Variants in CT45A10 observed in about 807,000 individuals in gnomAD.
CT45A10 encodes the protein cancer/testis antigen family 45 member A10.
In CT45A10, 19 loss-of-function variants were observed where a neutral mutation model predicts 8.3. The observed-to-expected ratio is 2.30, with a 90% confidence interval of 1.61 to 3.38. The LOEUF (loss-of-function observed/expected upper bound fraction) is 3.38, where lower values mean the gene tolerates loss of function less well. Ranked by LOEUF, CT45A10 falls within the 30% of genes most tolerant of loss-of-function variation. CT45A10 has a pLI of 0.00. For synonymous variants in CT45A10, 28 were observed against 26.5 expected (o/e 1.06, Z -0.17); for missense variants, 149 against 85.9 (o/e 1.73, Z -2.90).
chrX:135,892,864 C>T (rs782549838), intron 1 of CT45A10, among the ~76,000 whole-genome samples: 17 of 110,340 alleles, frequency 1.5e-4, no homozygotes, highest in South Asian at 1.2e-3. Flanking sequence ...ATAAAGCCCG[C>T]GACAGAGAGT....
intron 1 of CT45A10, among the ~76,000 whole-genome samples, chrX:135,889,477 CAAAAA>C (rs10645547): frequency 2.2e-5 from 2 of 89,079 alleles, no homozygotes. Context: ...AAGACTCCAT[CAAAAA>C]AAAAAAAAAG....
rs1556584181 is a variant in CT45A10, at chrX:135,881,648, G to C, written c.513-333C>G. 7.6e-3 allele frequency among the ~76,000 whole-genome samples: 171 copies of C among 22,520 alleles called. 4 individuals carry two copies. Among genetic ancestry groups the C allele is most frequent in the Middle Eastern group, 0.03 (1 of 33 alleles). 19.6% of individuals were successfully genotyped at this position (22,520 alleles called of 115,157 possible). ...AGAGAAAGGAAGTCAGTGTACCAAA[G>C]AGATATCTGCACTCCCATGTTTCCT... On this transcript the variant is annotated intron_variant, in intron 4 of 4. Coordinates refer to ENST00000682849, the MANE Select transcript of CT45A10 (RefSeq NM_001291529.2).
chrX:135,883,392 C>G, intron 2 of CT45A10, 136 bp from the exon 3 acceptor site: 1 of 1,085,046 alleles, frequency 9.2e-7, no homozygotes, highest in Non-Finnish European at 1.2e-6. Flanking sequence ...TGTTTCATCA[C>G]CCCTCTGGGT....
In CT45A10 at chrX:135,883,345, G is replaced by C. The variant is rs2088410718; in HGVS notation, c.170-89C>G. Reference sequence around the variant, plus strand: ...CATAAACCTCATGAATGACAGATCTGGAAATCAAACTGAGAAGTTGAGCTG... The same window carrying C: ...CATAAACCTCATGAATGACAGATCTCGAAATCAAACTGAGAAGTTGAGCTG... On this transcript the variant is annotated intron_variant, in intron 2 of 4. Transcript: ENST00000682849. 1.0e-5 allele frequency: 12 copies of C among 1,183,589 alleles called. 1 individual carries two copies. The highest frequency in any genetic ancestry group is 1.2e-5 in the Non-Finnish European group (11 of 880,504).
intron 4 of CT45A10, among the ~76,000 whole-genome samples, chrX:135,882,072 G>A (rs1260859902): frequency 1.0e-4 from 5 of 47,745 alleles, no homozygotes; most frequent in Non-Finnish European, 2.0e-4. Context: ...GGTGACTATA[G>A]TTGGTAATAA....
At chrX:135,883,482 G>A (rs2088412415) in intron 2 of CT45A10, among the ~76,000 whole-genome samples, 1 of 110,082 alleles carries the variant, frequency 9.1e-6, no homozygotes, top group Non-Finnish European at 1.9e-5. Context: ...TCCCAGGCCT[G>A]ACAAACGGAG....
Position 135,882,592 on chromosome X carries a change from T to G in CT45A10, c.456A>C (p.Gln152His). The G allele has an allele frequency of 8.6e-7, 1 of 1,161,442 alleles. No individual in the cohort carries two copies. Among genetic ancestry groups the G allele is most frequent in the Non-Finnish European group, 1.1e-6 (1 of 870,754 alleles). Residue 152 changes from glutamine (Q) to histidine (H), a missense_variant, in exon 4 of 5, where the codon CAA becomes CAC. Physicochemically the swap from Gln to His is conservative, Grantham distance 24 (BLOSUM62 0). Coordinates refer to ENST00000682849, the MANE Select transcript of CT45A10 (RefSeq NM_001291529.2). ...ATCGTTTCCTGACTGCAGTAGGTCC[T>G]TGCACTCCTTCAAGCATTTCGAAGA... ...EKIFEMLEGV[Q>H]GPTAVRKRFF...
chrX:135,889,732 T>C (rs1223053174), intron 1 of CT45A10, among the ~76,000 whole-genome samples: 4 of 107,283 alleles, frequency 3.7e-5, no homozygotes, highest in African/African-American at 1.4e-4. Flanking sequence ...GCACCTGTAG[T>C]CCCGCTAAGG....
intron 1 of CT45A10, among the ~76,000 whole-genome samples, chrX:135,893,012 C>G (rs1235529382): frequency 9.1e-6 from 1 of 110,201 alleles, no homozygotes; most frequent in Non-Finnish European, 1.9e-5. Context: ...ACACCCGAGG[C>G]TGACACAGGC....
intron 4 of CT45A10, among the ~76,000 whole-genome samples, chrX:135,882,170 T>G (rs1421426757): frequency 5.0e-5 from 2 of 40,297 alleles, no homozygotes; most frequent in African/African-American, 2.2e-4. Flanking sequence ...GAAACCCCAC[T>G]TACCTTGATG....
intron 1 of CT45A10, among the ~76,000 whole-genome samples, chrX:135,892,577 C>T (rs920748507): frequency 6.3e-5 from 7 of 110,700 alleles, no homozygotes; most frequent in Non-Finnish European, 1.3e-4. Flanking sequence ...CAGCTGGGTG[C>T]CCTCGTGGCT....
At chrX:135,883,290 T>G in intron 2 of CT45A10, 34 bp from the exon 3 acceptor site, 4 of 1,195,526 alleles carry the variant, frequency 3.3e-6, no homozygotes, top group Non-Finnish European at 4.5e-6. Context: ...AAGCCATCAG[T>G]TGGTGTTTGA....
At chrX:135,889,550 G>T (rs1245174728) in intron 1 of CT45A10, among the ~76,000 whole-genome samples, 1 of 111,071 alleles carries the variant, frequency 9.0e-6, no homozygotes, top group Non-Finnish European at 1.9e-5. Flanking sequence ...TGAGGGGGTT[G>T]TTTTTTAAAG....
chrX:135,883,048 T>C lies in CT45A10; in HGVS notation c.378A>G (p.Ile126Met), dbSNP rs2088401929. 1.7e-6 allele frequency: 2 copies of C among 1,197,373 alleles called. No homozygotes were observed. Among genetic ancestry groups the C allele is most frequent in the Non-Finnish European group, 2.3e-6 (2 of 885,516 alleles). ...PKSQQEINAD[I>M]KCQVVKEIRC... ...GGATTTCCTTCACTACTTGACATTT[T>C]ATATCAGCATTAATTTCTTGTTGGC... is the stretch of plus-strand genomic sequence containing the variant. Residue 126 changes from isoleucine to methionine, a missense_variant, in exon 3 of 5, where the codon ATA becomes ATG. Coordinates refer to ENST00000682849, the MANE Select transcript of CT45A10 (RefSeq NM_001291529.2).
chrX:135,882,749 C>T, intron 3 of CT45A10, 120 bp from the exon 4 acceptor site: 1 of 419,864 alleles, frequency 2.4e-6, no homozygotes, highest in South Asian at 3.7e-5. Flanking sequence ...AATCAAGATA[C>T]CTGCACATAC....
rs1293889695 is a variant in CT45A10 at position 135,883,001 on chromosome X, T to C, written c.418+7A>G. Reference sequence around the variant, plus strand: ...TTTTATAAAACAGACGTTCTTACACTACTTACTTCGTCCAAGGCATCGGAT... The same window carrying C: ...TTTTATAAAACAGACGTTCTTACACCACTTACTTCGTCCAAGGCATCGGAT... On this transcript the variant is annotated splice_region_variant and intron_variant, in intron 3 of 4. Coordinates refer to ENST00000682849, the MANE Select transcript of CT45A10 (RefSeq NM_001291529.2). 2.9e-5 allele frequency: 35 copies of C among 1,195,992 alleles called. No homozygotes were observed. Among genetic ancestry groups the C allele is most frequent in the Non-Finnish European group, 3.2e-5 (28 of 884,551 alleles).
chrX:135,892,013 G>C (rs1191334422), intron 1 of CT45A10, among the ~76,000 whole-genome samples: 3 of 30,969 alleles, frequency 9.7e-5, no homozygotes, highest in Non-Finnish European at 1.7e-4. Context: ...ATGAAAAAGT[G>C]CTCCGAAAAA....
chrX:135,889,778 C>G (rs1461520864), intron 1 of CT45A10, among the ~76,000 whole-genome samples: 1 of 108,637 alleles, frequency 9.2e-6, no homozygotes, highest in Admixed American at 9.8e-5. Context: ...CCCTCCTCCC[C>G]CTACCTTGCC....
At chrX:135,891,293 T>A (rs1297441825) in intron 1 of CT45A10, among the ~76,000 whole-genome samples, 2 of 109,245 alleles carry the variant, frequency 1.8e-5, no homozygotes, top group Admixed American at 9.9e-5. Context: ...AAGACACTCT[T>A]AAGAGAGTGG....
Sources: gnomAD v4.1 joint callset for allele counts (sites outside exome capture counted in the v4.1 genomes callset) on GRCh38, gnomAD v4.1.1 for gene constraint, MANE v1.5 for transcripts, NCBI Gene and HGNC (gene_info 2026-07-23, HGNC 2026-07-21) for gene names.